The following ABCA1 variants were observed in gnomAD, a reference collection of about 807,000 sequenced individuals.
The protein encoded by ABCA1 is ATP binding cassette subfamily A member 1.
ABCA1 carries 133 observed loss-of-function variants against 262.5 expected under a neutral mutation model. The observed-to-expected ratio is 0.51, with a 90% CI of 0.44 to 0.59. ABCA1 has a LOEUF of 0.59. Ranked by LOEUF, ABCA1 falls within the 20% of genes least tolerant of loss-of-function variation. The pLI is 0.00. For synonymous variants in ABCA1, 1,022 were observed against 1,043.5 expected, an observed-to-expected ratio of 0.98 and a Z score of 0.40; for missense variants, 2,452 against 2,777.5, an observed-to-expected ratio of 0.88 and a Z score of 2.63.
At chr9:104,785,327 A>G in intron 49 of ABCA1, 69 bp downstream of exon 49, 1 of 1,596,962 alleles carries the variant, frequency 6.3e-7, no homozygotes, top group African/African-American at 1.3e-5. Context: ...TCTTGGACCT[A>G]TGGGCGGGAG....
At chr9:104,789,807 A>G (rs1248286035) in intron 44 of ABCA1, among the ~76,000 whole-genome samples, 2 of 152,156 alleles carry the variant, frequency 1.3e-5, no homozygotes, top group Non-Finnish European at 2.9e-5. Flanking sequence ...TAATAAGTCC[A>G]GAGAAGCCGG....
chr9:104,830,550 C>T (rs181573654), intron 14 of ABCA1, among the ~76,000 whole-genome samples: 43 of 151,868 alleles, frequency 2.8e-4, no homozygotes, highest in Admixed American at 4.6e-4. Flanking sequence ...GTCAGCCGGG[C>T]GTGGCAGCAT....
In ABCA1 at chr9:104,824,581, G is replaced by A. The variant is rs139457469; in HGVS notation, c.2543-3C>T. 491 of 1,613,414 alleles carry A rather than the reference G, an allele frequency of 3.0e-4. No homozygotes were observed. The African/African-American group carries it at 5.9e-3, about 19-fold the overall frequency. ...GGGCCTGGGAATTCCGTACTGGCCT[G>A]AAAGCAAAGCACAGGTATGAGCCAA... On this transcript the variant is annotated splice_region_variant and splice_polypyrimidine_tract_variant and intron_variant, in intron 17 of 49. Coordinates refer to ENST00000374736, the MANE Select transcript of ABCA1 (RefSeq NM_005502.4).
chr9:104,890,038 T>A (rs1839570646), intron 2 of ABCA1, among the ~76,000 whole-genome samples: 1 of 152,168 alleles, frequency 6.6e-6, no homozygotes, highest in Non-Finnish European at 1.5e-5. Flanking sequence ...AAGATGGAAA[T>A]CACTAGACAC....
At chr9:104,867,661 T>C (rs1837217479) in intron 5 of ABCA1, among the ~76,000 whole-genome samples, 1 of 152,232 alleles carries the variant, frequency 6.6e-6, no homozygotes, top group Non-Finnish European at 1.5e-5. Flanking sequence ...GCTGACTGAT[T>C]TGTCTACTCA....
intron 44 of ABCA1, 145 bp from the exon 45 acceptor site, chr9:104,788,712 G>T: frequency 9.2e-7 from 1 of 1,089,932 alleles, no homozygotes; most frequent in Non-Finnish European, 1.4e-6. Context: ...CAGCCTTTCT[G>T]CCCCCAGGAT....
Position 104,794,514 on chromosome 9 carries a change from A to T in ABCA1, c.5383-4T>A, listed in dbSNP as rs1293304092. Reference sequence around the variant, plus strand: ...TATCATTGATATTATTCAGCTTCTAAAAAAAAAAAAAAAAAATGGGAGGGA... The same window carrying T: ...TATCATTGATATTATTCAGCTTCTATAAAAAAAAAAAAAAAATGGGAGGGA... On this transcript the variant is annotated splice_region_variant and splice_polypyrimidine_tract_variant and intron_variant, in intron 39 of 49. Transcript: ENST00000374736. The T allele has an allele frequency of 4.2e-6, 6 of 1,411,880 alleles. No individual in the cohort carries two copies. The highest frequency in any genetic ancestry group is 9.5e-7 in the Non-Finnish European group (1 of 1,058,004). 87.5% of individuals were successfully genotyped at this position (1,411,880 alleles called of 1,614,324 possible).
chr9:104,830,845 A>G, intron 14 of ABCA1, 80 bp downstream of exon 14: 1 of 1,485,650 alleles, frequency 6.7e-7, no homozygotes, highest in Non-Finnish European at 9.4e-7. Context: ...TCACACATGC[A>G]TGCACATGCA....
intron 2 of ABCA1, among the ~76,000 whole-genome samples, chr9:104,891,487 T>G (rs1839741824): frequency 6.6e-6 from 1 of 152,032 alleles, no homozygotes; most frequent in African/African-American, 2.4e-5. Flanking sequence ...TCCCAGCTAC[T>G]TGGGAGGCCA....
rs188067598 is a variant in ABCA1 at position 104,833,741 on chromosome 9, G to A, written c.1312-970C>T. On this transcript the variant is annotated intron_variant, in intron 11 of 49. Transcript: ENST00000374736. The stretch of plus-strand genomic sequence containing the variant: ...AATGCTGCTGGTTAAACCAACTAAA[G>A]TACAATCTTTTCCAATTGCAGGATG... Among the ~76,000 whole-genome samples, 389 of 152,272 alleles carry A rather than the reference G, an allele frequency of 2.6e-3. 7 individuals carry two copies. Among genetic ancestry groups the A allele is most frequent in the Admixed American group, 0.022 (338 of 15,288 alleles).
intron 7 of ABCA1, among the ~76,000 whole-genome samples, chr9:104,856,494 G>A (rs762748430): frequency 4.6e-5 from 7 of 152,162 alleles, no homozygotes; most frequent in Non-Finnish European, 8.8e-5. Context: ...TGTAGCTGAC[G>A]GTTCTGAAGG....
chr9:104,888,991 T>C (rs932164142), intron 3 of ABCA1, 111 bp downstream of exon 3: 12 of 953,820 alleles, frequency 1.3e-5, no homozygotes, highest in Non-Finnish European at 2.0e-5. Context: ...CCAAAGCATG[T>C]GTGATGTTTC....
chr9:104,819,680 C>T lies in ABCA1; in HGVS notation c.3147G>A (p.Gly1049=), dbSNP rs144069309. The T allele has an allele frequency of 1.2e-6, 2 of 1,614,168 alleles. No homozygotes were observed. The highest frequency in any genetic ancestry group is 1.1e-5 in the South Asian group (1 of 91,088). The change falls in exon 22 of 50, where the codon GGG becomes GGA. Residue 1049 remains glycine, a synonymous_variant. Transcript: ENST00000374736. The stretch of plus-strand genomic sequence containing the variant: ...CATCCAGAATGACAACCTTAGATCC[C>T]CCGACAAAGGCCAAGGCCACAGATA... ...RKLSVALAFV[G]GSKVVILDEP...
chr9:104,790,092 G>A (rs544469201), intron 44 of ABCA1, among the ~76,000 whole-genome samples: 12 of 136,326 alleles, frequency 8.8e-5, no homozygotes, highest in East Asian at 4.7e-4. Flanking sequence ...GTGAAACTCC[G>A]TCTCAAAAAA....
chr9:104,850,732 C>T (rs2119070683), intron 7 of ABCA1, among the ~76,000 whole-genome samples: 1 of 152,338 alleles, frequency 6.6e-6, no homozygotes, highest in South Asian at 2.1e-4. Flanking sequence ...GCAGACAAAA[C>T]TTGCCAAATC....
chr9:104,815,790 G>A (rs1831697488), intron 25 of ABCA1, among the ~76,000 whole-genome samples: 1 of 152,100 alleles, frequency 6.6e-6, no homozygotes, highest in South Asian at 2.1e-4. Context: ...TTTCTAACAA[G>A]TTCCCAAGTG....
At chr9:104,816,104 G>C in intron 25 of ABCA1, 39 bp downstream of exon 25, 1 of 1,608,236 alleles carries the variant, frequency 6.2e-7, no homozygotes. Context: ...AGGACATTTG[G>C]CCTTGCTATA....
chr9:104,813,850 G>A (rs931466007), intron 27 of ABCA1, among the ~76,000 whole-genome samples: 6 of 152,184 alleles, frequency 3.9e-5, no homozygotes, highest in East Asian at 3.8e-4. Flanking sequence ...CTAGGACCCC[G>A]CAGAAAAGAT....
chr9:104,784,155 TCATTGCATTGAATTG>T lies in ABCA1; in HGVS notation c.*145_*159del. Reference sequence around the variant, plus strand: ...CTGCCCCTGTAATGGAATTTTGTTTTCATTGCATTGAATTGCATTGCATTGAATAGTATCAGTACA... The same window carrying T: ...CTGCCCCTGTAATGGAATTTTGTTTTCATTGCATTGAATAGTATCAGTACA... On this transcript the variant is annotated 3_prime_UTR_variant, in exon 50 of 50. Transcript: ENST00000374736. 1.1e-6 allele frequency: 1 copy of T among 913,434 alleles called. No homozygotes were observed. The allele number at this position is 913,434 out of a possible 1,614,324, so 56.6% of individuals were successfully genotyped here.
Sources: gnomAD v4.1 joint callset for allele counts (sites outside exome capture counted in the v4.1 genomes callset) on GRCh38, gnomAD v4.1.1 for gene constraint, MANE v1.5 for transcripts, NCBI Gene and HGNC (gene_info 2026-07-23, HGNC 2026-07-21) for gene names.